SPOCK3: variants seen among roughly 807,000 people sequenced by gnomAD.
The protein encoded by SPOCK3 is SPARC (osteonectin), cwcv and kazal like domains proteoglycan 3, also known as testican-3.
In SPOCK3, 30 loss-of-function variants were observed where a neutral mutation model predicts 56.6. The observed-to-expected ratio is 0.53, with a 90% CI of 0.40 to 0.72. The LOEUF (loss-of-function observed/expected upper bound fraction) is 0.72, where lower values mean the gene tolerates loss of function less well. SPOCK3 is among the 30% of genes least tolerant of loss of function. The probability of loss-of-function intolerance (pLI) is 0.00; values close to 1 mark genes in which losing one functional copy is unlikely to be tolerated. For synonymous variants in SPOCK3, 196 were observed against 183.3 expected (o/e 1.07, Z -0.56); for missense variants, 527 against 530.0 (o/e 0.99, Z 0.06).
intron 2 of SPOCK3, among the ~76,000 whole-genome samples, chr4:167,150,229 T>A (rs995494815): frequency 1.3e-5 from 2 of 152,100 alleles, no homozygotes; most frequent in Non-Finnish European, 2.9e-5. Context: ...CCTATTAAAT[T>A]TTTTTACAGA....
intron 2 of SPOCK3, among the ~76,000 whole-genome samples, chr4:167,191,410 A>G (rs1367442200): frequency 1.4e-5 from 2 of 145,670 alleles, no homozygotes; most frequent in African/African-American, 5.2e-5. Flanking sequence ...AAATCTTCCA[A>G]TCTACGAATA....
chr4:167,019,671 A>G (rs1459185744), intron 3 of SPOCK3, among the ~76,000 whole-genome samples: 1 of 152,052 alleles, frequency 6.6e-6, no homozygotes, highest in African/African-American at 2.4e-5. Context: ...ACCTGTACAC[A>G]TTAAAGGTAT....
Position 166,952,766 on chromosome 4 carries a change from C to G in SPOCK3, c.351-40023G>C, listed in dbSNP as rs1742839167. Among the ~76,000 whole-genome samples, 2 of 152,150 alleles carry G rather than the reference C, an allele frequency of 1.3e-5. 1 individual carries two copies. Among genetic ancestry groups the G allele is most frequent in the Admixed American group, 1.3e-4 (2 of 15,268 alleles). ...GATTAATGGAACAGAACAGAGCCCT[C>G]AGAAATGACGCCACATATCTACAAC... On this transcript the variant is annotated intron_variant, in intron 4 of 10. Coordinates refer to ENST00000357545, the MANE Select transcript of SPOCK3 (RefSeq NM_001040159.2).
intron 6 of SPOCK3, among the ~76,000 whole-genome samples, chr4:166,884,541 C>A (rs1351084124): frequency 1.3e-5 from 2 of 151,902 alleles, no homozygotes; most frequent in African/African-American, 4.8e-5. Context: ...ATGTTAAAAG[C>A]ACCAGAAATA....
chr4:166,847,647 T>TTTTATATATATATATATATATATATA (rs369353581), intron 6 of SPOCK3, among the ~76,000 whole-genome samples: 1 of 55,368 alleles, frequency 1.8e-5, no homozygotes, highest in African/African-American at 5.1e-5. Context: ...AAATCCTAGT[T>TTTTATATATATATATATATATATATA]TATATATATA....
chr4:167,001,313 A>G (rs1045688648), intron 3 of SPOCK3, among the ~76,000 whole-genome samples: 1 of 152,134 alleles, frequency 6.6e-6, no homozygotes, highest in Non-Finnish European at 1.5e-5. Context: ...GTATTAGGCA[A>G]CTACTCATCT....
At chr4:167,233,843 C>T in intron 2 of SPOCK3, 142 bp downstream of exon 2, 1 of 707,786 alleles carries the variant, frequency 1.4e-6, no homozygotes, top group South Asian at 1.7e-5. Context: ...GTGAACTTCT[C>T]CAGCAGCCCT....
At chr4:167,199,115 ACT>A (rs1456534918) in intron 2 of SPOCK3, among the ~76,000 whole-genome samples, 1 of 152,128 alleles carries the variant, frequency 6.6e-6, no homozygotes, top group African/African-American at 2.4e-5. Context: ...GCAGCACAGC[ACT>A]GATTGATGCC....
intron 5 of SPOCK3, among the ~76,000 whole-genome samples, chr4:166,906,518 C>T (rs777574605): frequency 6.9e-6 from 1 of 145,310 alleles, no homozygotes; most frequent in Non-Finnish European, 1.5e-5. Flanking sequence ...TTCTACTATA[C>T]ACAAAAACTA....
chr4:166,865,670 C>T (rs1731751147), intron 6 of SPOCK3, among the ~76,000 whole-genome samples: 1 of 152,076 alleles, frequency 6.6e-6, no homozygotes, highest in African/African-American at 2.4e-5. Flanking sequence ...TGAGTGAACT[C>T]CCATTCACAA....
chr4:167,045,133 T>G (rs959352049), intron 3 of SPOCK3, among the ~76,000 whole-genome samples: 1 of 152,280 alleles, frequency 6.6e-6, no homozygotes, highest in African/African-American at 2.4e-5. Context: ...TGGAGAATCA[T>G]TATGTAATGT....
At chr4:167,077,512 A>G (rs1296901292) in intron 2 of SPOCK3, among the ~76,000 whole-genome samples, 2 of 151,920 alleles carry the variant, frequency 1.3e-5, no homozygotes, top group African/African-American at 4.8e-5. Flanking sequence ...ACAGAAAGAC[A>G]ATCTCTATAT....
chr4:167,046,112 C>CT (rs1753685849), intron 3 of SPOCK3, among the ~76,000 whole-genome samples: 2 of 152,182 alleles, frequency 1.3e-5, no homozygotes, highest in South Asian at 4.1e-4. Flanking sequence ...TTTTTACCCC[C>CT]TTTCAGCATG....
intron 3 of SPOCK3, among the ~76,000 whole-genome samples, chr4:167,005,765 T>C (rs1358090518): frequency 2.0e-5 from 3 of 152,132 alleles, no homozygotes; most frequent in Non-Finnish European, 2.9e-5. Flanking sequence ...TTTTTGTTGT[T>C]GTTGTTGTCG....
chr4:167,080,711 C>T (rs1480362333), intron 2 of SPOCK3, among the ~76,000 whole-genome samples: 3 of 151,782 alleles, frequency 2.0e-5, no homozygotes, highest in South Asian at 2.1e-4. Flanking sequence ...TACTATCTAC[C>T]TCTACCTACC....
chr4:166,995,309 G>A (rs1200122849), intron 4 of SPOCK3, among the ~76,000 whole-genome samples: 1 of 151,840 alleles, frequency 6.6e-6, no homozygotes, highest in Non-Finnish European at 1.5e-5. Context: ...ATGAAGTTTA[G>A]TTATGATCTA....
At chr4:167,097,541 A>AT (rs926726175) in intron 2 of SPOCK3, among the ~76,000 whole-genome samples, 5 of 151,592 alleles carry the variant, frequency 3.3e-5, no homozygotes, top group Non-Finnish European at 7.4e-5. Context: ...CTTACAATTA[A>AT]TTTTTTTTAA....
chr4:167,204,986 C>T (rs1441490524), intron 2 of SPOCK3, among the ~76,000 whole-genome samples: 1 of 147,774 alleles, frequency 6.8e-6, no homozygotes, highest in East Asian at 2.0e-4. Context: ...GGGTCGTGCA[C>T]AGTACCATCA....
intron 6 of SPOCK3, among the ~76,000 whole-genome samples, chr4:166,823,379 C>T (rs545014590): frequency 6.6e-6 from 1 of 152,038 alleles, no homozygotes; most frequent in African/African-American, 2.4e-5. Flanking sequence ...GAAAAGTTGA[C>T]TGATGTATAT....
Sources: allele counts gnomAD v4.1 joint callset (sites outside exome capture counted in the v4.1 genomes callset), GRCh38; gene constraint gnomAD v4.1.1; transcripts MANE v1.5; gene names NCBI Gene and HGNC (gene_info 2026-07-23, HGNC 2026-07-21).